FBXL7: variants seen among roughly 807,000 people sequenced by gnomAD.
FBXL7 encodes F-box/LRR-repeat protein 7.
A neutral mutation model predicts 38.3 loss-of-function variants in FBXL7; 12 were observed. The observed-to-expected ratio is 0.31, with a 90% confidence interval of 0.20 to 0.51. FBXL7 has a LOEUF of 0.51. Ranked by LOEUF, FBXL7 falls within the 20% of genes least tolerant of loss-of-function variation. The pLI is 0.98. For missense variants in FBXL7, 567 were observed against 676.4 expected (o/e 0.84, Z 1.79); for synonymous variants, 297 against 300.9 (o/e 0.99, Z 0.13).
intron 2 of FBXL7, among the ~76,000 whole-genome samples, chr5:15,914,157 C>G (rs984164417): frequency 6.6e-6 from 1 of 151,970 alleles, no homozygotes; most frequent in Admixed American, 6.6e-5. Context: ...GAGGCCGAGG[C>G]GGGCGGATCT....
At chr5:15,513,391 G>A (rs572397716) in intron 1 of FBXL7, among the ~76,000 whole-genome samples, 5 of 152,184 alleles carry the variant, frequency 3.3e-5, no homozygotes, top group African/African-American at 1.2e-4. Flanking sequence ...TTCAGATAAA[G>A]GATCACCATA....
intron 2 of FBXL7, among the ~76,000 whole-genome samples, chr5:15,903,507 A>G (rs1170427232): frequency 6.6e-6 from 1 of 152,174 alleles, no homozygotes; most frequent in Non-Finnish European, 1.5e-5. Flanking sequence ...GGAAACCCAC[A>G]ATTTATTCCA....
At position 15,629,091 on chromosome 5, in the gene FBXL7, A is replaced by G. The variant is rs566894423; in HGVS notation, c.127+13019A>G. Among the ~76,000 whole-genome samples, 18 of 151,998 alleles carry G rather than the reference A, an allele frequency of 1.2e-4. No homozygotes were observed. The East Asian group carries it at 3.3e-3, about 28-fold the overall frequency. ...CTAGGAGTTCAAGACCAGCCTGGGC[A>G]ACAGGGTGAGACCTCGTTTCTACAA... On this transcript the variant is annotated intron_variant, in intron 2 of 3. Transcript: ENST00000504595.
At chr5:15,807,456 G>T (rs1384504594) in intron 2 of FBXL7, among the ~76,000 whole-genome samples, 1 of 152,168 alleles carries the variant, frequency 6.6e-6, no homozygotes, top group Non-Finnish European at 1.5e-5. Context: ...CAGAGAGCTT[G>T]TGGAGAAGCC....
At chr5:15,668,408 G>GTGTT (rs1459408870) in intron 2 of FBXL7, among the ~76,000 whole-genome samples, 3 of 143,770 alleles carry the variant, frequency 2.1e-5, no homozygotes, top group Admixed American at 7.0e-5. Flanking sequence ...GTGTGTGTGT[G>GTGTT]TTTTCATGGC....
chr5:15,819,542 AC>A, intron 2 of FBXL7, among the ~76,000 whole-genome samples: 1 of 152,206 alleles, frequency 6.6e-6, no homozygotes, highest in East Asian at 1.9e-4. Flanking sequence ...ATGAAAGAAT[AC>A]CTTTTTTCTG....
chr5:15,513,057 G>T (rs1483809373), intron 1 of FBXL7, among the ~76,000 whole-genome samples: 1 of 152,074 alleles, frequency 6.6e-6, no homozygotes, highest in African/African-American at 2.4e-5. Context: ...GAAAAATATT[G>T]TGTGTATCTG....
intron 2 of FBXL7, among the ~76,000 whole-genome samples, chr5:15,717,524 T>C (rs558304246): frequency 2.8e-4 from 42 of 152,338 alleles, no homozygotes; most frequent in African/African-American, 8.4e-4. Context: ...CTGATGCCCA[T>C]AGGTATTGAA....
intron 2 of FBXL7, among the ~76,000 whole-genome samples, chr5:15,631,415 G>T (rs1164056033): frequency 6.6e-6 from 1 of 152,066 alleles, no homozygotes; most frequent in African/African-American, 2.4e-5. Flanking sequence ...AGAAGTGTGG[G>T]CTGGGCGTGG....
intron 2 of FBXL7, among the ~76,000 whole-genome samples, chr5:15,873,080 T>C (rs1296859989): frequency 6.6e-6 from 1 of 151,726 alleles, no homozygotes; most frequent in Non-Finnish European, 1.5e-5. Flanking sequence ...TAAGAAAGAG[T>C]CTGTCAGTCC....
chr5:15,683,866 C>G (rs1435810338), intron 2 of FBXL7, among the ~76,000 whole-genome samples: 1 of 152,026 alleles, frequency 6.6e-6, no homozygotes, highest in African/African-American at 2.4e-5. Context: ...TTCACGTTCC[C>G]CCTATATGTT....
In FBXL7 at chr5:15,684,594, C is replaced by A. The variant is rs141324190; in HGVS notation, c.127+68522C>A. On this transcript the variant is annotated intron_variant, in intron 2 of 3. Coordinates refer to ENST00000504595, the MANE Select transcript of FBXL7 (RefSeq NM_012304.5). The stretch of plus-strand genomic sequence containing the variant: ...ACAGATCTTGAGATACAGAGATTGG[C>A]CTTGGATTATCCAGGTAAATCCAGT... Among the ~76,000 whole-genome samples the A allele has an allele frequency of 2.9e-3, 434 of 152,236 alleles. 1 individual carries two copies. The highest frequency in any genetic ancestry group is 4.8e-3 in the Non-Finnish European group (327 of 68,010).
intron 2 of FBXL7, among the ~76,000 whole-genome samples, chr5:15,619,260 G>C (rs1258398412): frequency 1.3e-5 from 2 of 152,140 alleles, no homozygotes; most frequent in Non-Finnish European, 2.9e-5. Context: ...GTTTCTCCCT[G>C]GAGTCTGTAT....
At chr5:15,706,283 G>C (rs895300378) in intron 2 of FBXL7, among the ~76,000 whole-genome samples, 3 of 152,104 alleles carry the variant, frequency 2.0e-5, no homozygotes, top group Non-Finnish European at 4.4e-5. Flanking sequence ...TTATTTAAAA[G>C]TGTGTGGCAC....
chr5:15,784,366 A>G (rs1203075164), intron 2 of FBXL7, among the ~76,000 whole-genome samples: 2 of 152,162 alleles, frequency 1.3e-5, no homozygotes, highest in African/African-American at 4.8e-5. Flanking sequence ...TTGGGCCCAT[A>G]TTACATGGAG....
In FBXL7 at chr5:15,777,720, T is replaced by TAAAAAAA. The variant is rs371293320; in HGVS notation, c.128-150150_128-150144dup. Reference sequence around the variant, plus strand: ...TATTGTTTGCAAACCCCTATTCTGGTAAAAAAAAAAAAAAAAAAAAAAAAA... The same window carrying TAAAAAAA: ...TATTGTTTGCAAACCCCTATTCTGGTAAAAAAAAAAAAAAAAAAAAAAAAAAAAAAAA... On this transcript the variant is annotated intron_variant, in intron 2 of 3. Coordinates refer to ENST00000504595, the MANE Select transcript of FBXL7 (RefSeq NM_012304.5). 1.8e-4 allele frequency among the ~76,000 whole-genome samples: 15 copies of TAAAAAAA among 82,502 alleles called. 1 individual carries two copies. Among genetic ancestry groups the TAAAAAAA allele is most frequent in the South Asian group, 8.2e-4 (2 of 2,446 alleles). 54.1% of individuals were successfully genotyped at this position (82,502 alleles called of 152,430 possible). A position where few individuals can be genotyped will look rare whatever the true frequency, so the allele number is the denominator to read the frequency against.
At position 15,550,091 on chromosome 5, in the gene FBXL7, A is replaced by G. The variant is rs536839351; in HGVS notation, c.37+49378A>G. Among the ~76,000 whole-genome samples, 12 of 152,350 alleles carry G rather than the reference A, an allele frequency of 7.9e-5. No individual in the cohort carries two copies. In the East Asian group the frequency reaches 1.2e-3, roughly 15 times the overall value. ...TTGTGCTAGAGAATATTGGCTAACT[A>G]TGTTGAAATACTAACATTCTCCCAG... is the stretch of plus-strand genomic sequence containing the variant. On this transcript the variant is annotated intron_variant, in intron 1 of 3. Transcript: ENST00000504595.
intron 2 of FBXL7, among the ~76,000 whole-genome samples, chr5:15,848,283 ATTAC>A (rs1412942003): frequency 6.6e-6 from 1 of 151,708 alleles, no homozygotes; most frequent in Admixed American, 6.6e-5. Flanking sequence ...GACTACCTCA[ATTAC>A]TTAATTCTAC....
At chr5:15,515,405 A>AT (rs1255395073) in intron 1 of FBXL7, among the ~76,000 whole-genome samples, 1 of 152,142 alleles carries the variant, frequency 6.6e-6, no homozygotes, top group Non-Finnish European at 1.5e-5. Flanking sequence ...CCATCATGGA[A>AT]TTTTTTCAGA....
Sources: allele counts gnomAD v4.1 joint callset (sites outside exome capture counted in the v4.1 genomes callset), GRCh38; gene constraint gnomAD v4.1.1; transcripts MANE v1.5; gene names NCBI Gene and HGNC (gene_info 2026-07-23, HGNC 2026-07-21).